The following CFAP299 variants were observed in gnomAD, a reference collection of about 807,000 sequenced individuals.
CFAP299 encodes cilia and flagella associated protein 299.
In CFAP299, 21 loss-of-function variants were observed where a neutral mutation model predicts 27.0. The ratio of observed to expected loss-of-function variants is 0.78; its 90% confidence interval spans 0.55 to 1.12. CFAP299 has a LOEUF of 1.12. CFAP299 is among the 50% of genes most tolerant of loss of function. The probability of loss-of-function intolerance (pLI) is 0.00; values close to 1 mark genes in which losing one functional copy is unlikely to be tolerated. For missense variants in CFAP299, 310 were observed against 276.6 expected (o/e 1.12, Z -0.86); for synonymous variants, 104 against 98.1 (o/e 1.06, Z -0.36).
intron 3 of CFAP299, among the ~76,000 whole-genome samples, chr4:80,596,230 G>A (rs1209379614): frequency 2.0e-5 from 3 of 152,096 alleles, no homozygotes; most frequent in Non-Finnish European, 4.4e-5. Context: ...CTCATTACGG[G>A]AATCCTCCTT....
chr4:80,670,941 C>T (rs1210943390), intron 3 of CFAP299, among the ~76,000 whole-genome samples: 3 of 152,146 alleles, frequency 2.0e-5, no homozygotes, highest in Non-Finnish European at 2.9e-5. Flanking sequence ...CTATAGGTTG[C>T]CTGTTCACTC....
At chr4:80,406,869 T>G (rs1726454630) in intron 2 of CFAP299, among the ~76,000 whole-genome samples, 1 of 152,126 alleles carries the variant, frequency 6.6e-6, no homozygotes, top group Non-Finnish European at 1.5e-5. Flanking sequence ...ATTATATAGG[T>G]GATAGTAATG....
intron 4 of CFAP299, among the ~76,000 whole-genome samples, chr4:80,883,594 AT>A (rs992097894): frequency 3.3e-5 from 5 of 152,292 alleles, no homozygotes; most frequent in African/African-American, 1.2e-4. Flanking sequence ...CATGAAAAAA[AT>A]GTTACATAAA....
chr4:80,859,661 A>G (rs1345767897), intron 3 of CFAP299, among the ~76,000 whole-genome samples: 3 of 151,264 alleles, frequency 2.0e-5, no homozygotes, highest in African/African-American at 7.3e-5. Flanking sequence ...TTTCTCCTTC[A>G]CTTATGAAGC....
chr4:80,844,531 T>G (rs1014556579), intron 3 of CFAP299, among the ~76,000 whole-genome samples: 7 of 152,260 alleles, frequency 4.6e-5, no homozygotes, highest in Non-Finnish European at 7.3e-5. Flanking sequence ...TTCATGTGCC[T>G]TTTGGCTGCA....
rs988540813 is a variant in CFAP299, at chr4:80,470,673, A to G, written c.242+107789A>G. ...GTCACTTAGTTTTTGAATCAGGATT[A>G]ATAGCATGACATACTATTCATGAAA... On this transcript the variant is annotated intron_variant, in intron 2 of 5. Transcript: ENST00000358105. Among the ~76,000 whole-genome samples, 76 of 152,268 alleles carry G rather than the reference A, an allele frequency of 5.0e-4. 1 individual carries two copies. Among genetic ancestry groups the G allele is most frequent in the African/African-American group, 1.8e-3 (73 of 41,566 alleles).
At chr4:80,895,046 GA>G (rs1734545759) in intron 4 of CFAP299, among the ~76,000 whole-genome samples, 1 of 151,802 alleles carries the variant, frequency 6.6e-6, no homozygotes, top group Non-Finnish European at 1.5e-5. Flanking sequence ...GGTCAAATTG[GA>G]CAAAGTTTCA....
chr4:80,893,368 C>A (rs1371706980), intron 4 of CFAP299, among the ~76,000 whole-genome samples: 3 of 151,620 alleles, frequency 2.0e-5, no homozygotes, highest in Admixed American at 6.6e-5. Flanking sequence ...AGATAGTAAA[C>A]AAAATCCTAA....
intron 2 of CFAP299, among the ~76,000 whole-genome samples, chr4:80,511,314 T>A (rs1343212141): frequency 6.6e-6 from 1 of 152,150 alleles, no homozygotes; most frequent in Non-Finnish European, 1.5e-5. Context: ...TGTTGGTAAC[T>A]GTTATTATTG....
At chr4:80,718,252 G>A (rs1233266822) in intron 3 of CFAP299, among the ~76,000 whole-genome samples, 1 of 151,978 alleles carries the variant, frequency 6.6e-6, no homozygotes, top group Non-Finnish European at 1.5e-5. Context: ...CAAAACTCAG[G>A]GAAGGAAAAG....
intron 1 of CFAP299, among the ~76,000 whole-genome samples, chr4:80,340,609 G>A (rs1722396255): frequency 6.6e-6 from 1 of 152,102 alleles, no homozygotes; most frequent in Non-Finnish European, 1.5e-5. Flanking sequence ...TGCCTAAGAT[G>A]GACAAATTCC....
chr4:80,582,446 T>C (rs753448939), intron 2 of CFAP299, among the ~76,000 whole-genome samples: 8 of 151,934 alleles, frequency 5.3e-5, no homozygotes, highest in Non-Finnish European at 1.2e-4. Flanking sequence ...TTGTGGAATA[T>C]GTAAGAAATT....
At chr4:80,821,851 T>TG (rs35718028) in intron 3 of CFAP299, among the ~76,000 whole-genome samples, 1 of 151,896 alleles carries the variant, frequency 6.6e-6, no homozygotes, top group African/African-American at 2.4e-5. Context: ...AACATTTTGA[T>TG]GGGGAGGTGG....
At chr4:80,538,586 T>A (rs1262231382) in intron 2 of CFAP299, among the ~76,000 whole-genome samples, 2 of 152,160 alleles carry the variant, frequency 1.3e-5, no homozygotes, top group Non-Finnish European at 2.9e-5. Flanking sequence ...GTGTTTTTAC[T>A]GTACCTTTTA....
At position 80,388,431 on chromosome 4, in the gene CFAP299, T is replaced by C. The variant is rs2110029759; in HGVS notation, c.242+25547T>C. On this transcript the variant is annotated intron_variant, in intron 2 of 5. Coordinates refer to ENST00000358105, the MANE Select transcript of CFAP299 (RefSeq NM_152770.3). ...GTGGGTGCTGCCGAAGGTGTGTAGA[T>C]TGTGTAGATGCTGTTGGTGACCAGC... is the stretch of plus-strand genomic sequence containing the variant. 4 of 821,106 alleles carry C rather than the reference T, an allele frequency of 4.9e-6. No homozygotes were observed. In the South Asian group the frequency reaches 6.0e-5, roughly 12 times the overall value. The allele number at this position is 821,106 out of a possible 1,614,324, so 50.9% of individuals were successfully genotyped here.
At chr4:80,800,874 A>G (rs947325806) in intron 3 of CFAP299, among the ~76,000 whole-genome samples, 1 of 148,814 alleles carries the variant, frequency 6.7e-6, no homozygotes, top group Non-Finnish European at 1.5e-5. Flanking sequence ...CTGAGGAGCA[A>G]GGAGAACCAG....
At chr4:80,569,080 T>TCAA (rs1329078606) in intron 2 of CFAP299, among the ~76,000 whole-genome samples, 1 of 152,072 alleles carries the variant, frequency 6.6e-6, no homozygotes, top group Non-Finnish European at 1.5e-5. Context: ...CTCCTCAGGC[T>TCAA]TGAGGGTGAG....
intron 3 of CFAP299, among the ~76,000 whole-genome samples, chr4:80,647,467 T>C (rs958364303): frequency 7.2e-5 from 11 of 152,138 alleles, no homozygotes; most frequent in Admixed American, 5.2e-4. Flanking sequence ...GTCCAAATAT[T>C]GCTAAATAAT....
At chr4:80,524,741 G>A (rs1733088642) in intron 2 of CFAP299, among the ~76,000 whole-genome samples, 1 of 152,140 alleles carries the variant, frequency 6.6e-6, no homozygotes, top group Non-Finnish European at 1.5e-5. Context: ...TACTCTAGAT[G>A]TATTCATCAT....
Sources: gnomAD v4.1 joint callset for allele counts (sites outside exome capture counted in the v4.1 genomes callset) on GRCh38, gnomAD v4.1.1 for gene constraint, MANE v1.5 for transcripts, NCBI Gene and HGNC (gene_info 2026-07-23, HGNC 2026-07-21) for gene names.